The following LGSN variants were observed in gnomAD, a reference collection of about 807,000 sequenced individuals.
LGSN encodes lengsin.
In LGSN, 21 loss-of-function variants were observed where a neutral mutation model predicts 19.5. The ratio of observed to expected loss-of-function variants is 1.07; its 90% CI spans 0.76 to 1.55. The LOEUF (loss-of-function observed/expected upper bound fraction) is 1.55. Ranked by LOEUF, LGSN falls within the 40% of genes most tolerant of loss-of-function variation. LGSN has a pLI of 0.00. For missense variants in LGSN, 673 were observed against 608.5 expected (o/e 1.11, Z -1.12); for synonymous variants, 257 against 215.6 (o/e 1.19, Z -1.68).
At chr6:63,429,115 C>A in the LGSN span, among the ~76,000 whole-genome samples, 1 of 152,144 alleles carries the variant, frequency 6.6e-6, no homozygotes. Context: ...AAAGCATGGT[C>A]CCATTAGCAC....
chr6:63,472,013 T>C, the LGSN span, among the ~76,000 whole-genome samples: 1 of 152,228 alleles, frequency 6.6e-6, no homozygotes, highest in Non-Finnish European at 1.5e-5. Context: ...TTATTTTCTT[T>C]TTTTCTCTCT....
At chr6:63,472,425 G>T in the LGSN span, among the ~76,000 whole-genome samples, 2 of 152,116 alleles carry the variant, frequency 1.3e-5, no homozygotes, top group South Asian at 2.1e-4. Flanking sequence ...TTCTTGAAGT[G>T]CTTCAACATT....
chr6:63,374,943 A>G, the LGSN span, among the ~76,000 whole-genome samples: 3 of 152,232 alleles, frequency 2.0e-5, no homozygotes, highest in Non-Finnish European at 2.9e-5. Flanking sequence ...GAAAAGAGAA[A>G]AAAAAAAGTT....
At chr6:63,438,027 T>C in the LGSN span, among the ~76,000 whole-genome samples, 7 of 152,332 alleles carry the variant, frequency 4.6e-5, no homozygotes, top group African/African-American at 1.7e-4. Flanking sequence ...AAAATTACTT[T>C]TTGAAATCTC....
At chr6:63,288,617 T>A (rs917537707) in intron 2 of LGSN, among the ~76,000 whole-genome samples, 1 of 152,222 alleles carries the variant, frequency 6.6e-6, no homozygotes, top group Non-Finnish European at 1.5e-5. Context: ...AAAGCTACTA[T>A]GACAAATGCC....
chr6:63,288,616 A>G (rs184678853), intron 2 of LGSN, among the ~76,000 whole-genome samples: 1 of 152,236 alleles, frequency 6.6e-6, no homozygotes, highest in South Asian at 2.1e-4. Context: ...TAAAGCTACT[A>G]TGACAAATGC....
the LGSN span, among the ~76,000 whole-genome samples, chr6:63,398,495 G>A: frequency 1.3e-5 from 2 of 151,888 alleles, no homozygotes; most frequent in African/African-American, 4.8e-5. Context: ...TTTAGAATAA[G>A]GATATAAAGA....
chr6:63,443,885 C>T, the LGSN span, among the ~76,000 whole-genome samples: 3 of 147,748 alleles, frequency 2.0e-5, no homozygotes, highest in South Asian at 2.2e-4. Context: ...TGTGTAAAGG[C>T]TCATTTCTAC....
the LGSN span, among the ~76,000 whole-genome samples, chr6:63,522,485 G>A: frequency 6.6e-6 from 1 of 152,122 alleles, no homozygotes; most frequent in East Asian, 1.9e-4. Flanking sequence ...TATCACCCTC[G>A]CCAAGACTGT....
chr6:63,374,080 A>C, the LGSN span, among the ~76,000 whole-genome samples: 1 of 152,140 alleles, frequency 6.6e-6, no homozygotes, highest in Non-Finnish European at 1.5e-5. Context: ...AAATGACCTT[A>C]TTTTTAGAAT....
At chr6:63,427,925 T>C in the LGSN span, among the ~76,000 whole-genome samples, 3 of 152,096 alleles carry the variant, frequency 2.0e-5, no homozygotes, top group South Asian at 6.2e-4. Context: ...AAAAAAAATC[T>C]ATTAATAGGC....
the LGSN span, among the ~76,000 whole-genome samples, chr6:63,383,592 C>A: frequency 1.0e-3 from 157 of 152,090 alleles, no homozygotes; most frequent in African/African-American, 3.2e-3. Flanking sequence ...AGACACAAAA[C>A]AGATTATAGA....
the LGSN span, among the ~76,000 whole-genome samples, chr6:63,507,713 T>G: frequency 6.6e-6 from 1 of 152,220 alleles, no homozygotes; most frequent in Non-Finnish European, 1.5e-5. Flanking sequence ...ACCTGAATTA[T>G]CCCAGTAAAT....
intron 1 of LGSN, among the ~76,000 whole-genome samples, chr6:63,307,278 C>T (rs1768428187): frequency 6.6e-6 from 1 of 152,136 alleles, no homozygotes; most frequent in Non-Finnish European, 1.5e-5. Context: ...AAAGACTAAT[C>T]AACTAACCCA....
At chr6:63,449,901 A>G in the LGSN span, among the ~76,000 whole-genome samples, 1 of 152,194 alleles carries the variant, frequency 6.6e-6, no homozygotes, top group Non-Finnish European at 1.5e-5. Flanking sequence ...AATAACATAA[A>G]CACAATTATT....
chr6:63,327,773 A>G, the LGSN span, among the ~76,000 whole-genome samples: 447 of 151,824 alleles, frequency 2.9e-3, 3 homozygotes, highest in African/African-American at 0.01. Context: ...CTTCTCCTTT[A>G]TCTTTTCCTC....
At position 63,281,315 on chromosome 6, in the gene LGSN, A is replaced by G. The variant is rs1343912317; in HGVS notation, c.331-95T>C. On this transcript the variant is annotated intron_variant, in intron 3 of 3. Coordinates refer to ENST00000370657, the MANE Select transcript of LGSN (RefSeq NM_016571.3). ...GCCTTGCTAATGAAAATATATATAT[A>G]TATATATATATATATAATAAATATA... The G allele has an allele frequency of 6.0e-5, 10 of 167,466 alleles. 2 individuals are homozygous for G. The East Asian group carries it at 1.0e-3, about 17-fold the overall frequency. 10.4% of individuals were successfully genotyped at this position (167,466 alleles called of 1,614,324 possible).
the LGSN span, among the ~76,000 whole-genome samples, chr6:63,402,266 A>C: frequency 6.6e-6 from 1 of 152,240 alleles, no homozygotes; most frequent in Non-Finnish European, 1.5e-5. Context: ...AGTGGTGTTC[A>C]GATAGCCAGA....
chr6:63,412,499 A>AAAGC, the LGSN span, among the ~76,000 whole-genome samples: 10 of 105,964 alleles, frequency 9.4e-5, no homozygotes, highest in Non-Finnish European at 1.6e-4. Flanking sequence ...AGAAAGAAAG[A>AAAGC]AAGAAAGAAA....
Sources: gnomAD v4.1 joint callset for allele counts (sites outside exome capture counted in the v4.1 genomes callset) on GRCh38, gnomAD v4.1.1 for gene constraint, MANE v1.5 for transcripts, NCBI Gene and HGNC (gene_info 2026-07-23, HGNC 2026-07-21) for gene names.